TENM3: variants seen among roughly 807,000 people sequenced by gnomAD.
TENM3 encodes the protein teneurin transmembrane protein 3.
Under a neutral mutation model 255.1 loss-of-function variants are expected in TENM3, and 63 were observed. The observed-to-expected ratio is 0.25, with a 90% CI of 0.20 to 0.30. TENM3 has a LOEUF of 0.30. TENM3 is among the 10% of genes least tolerant of loss of function. The pLI is 1.00. For synonymous variants in TENM3, 1,306 were observed against 1,322.3 expected (o/e 0.99, Z 0.27); for missense variants, 2,929 against 3,461.1 (o/e 0.85, Z 3.86).
chr4:182,775,823 G>C (rs1764644454), intron 24 of TENM3, among the ~76,000 whole-genome samples: 1 of 152,086 alleles, frequency 6.6e-6, no homozygotes, highest in African/African-American at 2.4e-5. Context: ...TCTACTTTTT[G>C]CTAATAGTAA....
At chr4:181,964,908 A>G in the TENM3 span, among the ~76,000 whole-genome samples, 6 of 152,176 alleles carry the variant, frequency 3.9e-5, no homozygotes, top group East Asian at 1.9e-4. Flanking sequence ...CCCTTTGACG[A>G]AAAAGTTCAA....
intron 8 of TENM3, 25 bp from the exon 9 acceptor site, chr4:182,680,223 T>C (rs1033734083): frequency 2.0e-6 from 3 of 1,513,284 alleles, no homozygotes; most frequent in Non-Finnish European, 2.8e-6. Context: ...ATACAACAAG[T>C]GTTCCTTCTT....
chr4:181,556,264 A>T, the TENM3 span, among the ~76,000 whole-genome samples: 2 of 151,638 alleles, frequency 1.3e-5, no homozygotes, highest in Non-Finnish European at 2.9e-5. Flanking sequence ...ACCTGACAGA[A>T]TTTTTTTTTA....
chr4:182,401,777 G>A (rs919513339), intron 3 of TENM3, among the ~76,000 whole-genome samples: 1 of 152,010 alleles, frequency 6.6e-6, no homozygotes, highest in Non-Finnish European at 1.5e-5. Context: ...CTGATATTTT[G>A]AGGTAAAAAT....
chr4:181,768,838 G>A, the TENM3 span, among the ~76,000 whole-genome samples: 7 of 152,184 alleles, frequency 4.6e-5, no homozygotes, highest in East Asian at 1.3e-3. Flanking sequence ...AGAACCACAT[G>A]AAAACATAAA....
rs1263291284 is a variant in TENM3, at chr4:182,653,907, T to C, written c.1111+14T>C. The C allele has an allele frequency of 1.2e-5, 20 of 1,601,370 alleles. No homozygotes were observed. Among genetic ancestry groups the C allele is most frequent in the Non-Finnish European group, 1.7e-5 (20 of 1,174,412 alleles). On this transcript the variant is annotated intron_variant, in intron 6 of 27. Transcript: ENST00000511685. ...CTGGAGACAATGGTAAGCGAAAGAA[T>C]TATGTATCCTGTGTTTCTCTTTTAA...
the TENM3 span, among the ~76,000 whole-genome samples, chr4:182,066,860 G>A: frequency 2.0e-5 from 3 of 152,114 alleles, no homozygotes; most frequent in Admixed American, 6.5e-5. Flanking sequence ...GCAGTGAGCC[G>A]AGATCGCACC....
At chr4:182,207,895 C>A (rs1754694199) in intron 1 of TENM3, among the ~76,000 whole-genome samples, 1 of 152,164 alleles carries the variant, frequency 6.6e-6, no homozygotes, top group South Asian at 2.1e-4. Flanking sequence ...GCTTAAAATA[C>A]CTTTCCAGCA....
intron 3 of TENM3, among the ~76,000 whole-genome samples, chr4:182,372,636 C>T (rs1766908040): frequency 6.6e-6 from 1 of 152,048 alleles, no homozygotes; most frequent in Non-Finnish European, 1.5e-5. Flanking sequence ...ATAGTGGTCA[C>T]CTGTCCCATG....
the TENM3 span, among the ~76,000 whole-genome samples, chr4:181,725,414 T>C: frequency 1.3e-5 from 1 of 79,002 alleles, no homozygotes; most frequent in East Asian, 4.3e-4. Flanking sequence ...CACATTCTTT[T>C]TCTTTCTTTT....
chr4:181,708,124 A>G, the TENM3 span, among the ~76,000 whole-genome samples: 3 of 152,236 alleles, frequency 2.0e-5, no homozygotes, highest in Non-Finnish European at 4.4e-5. Flanking sequence ...CAATAATCTT[A>G]AAAAGTTTTA....
chr4:182,693,004 C>A (rs1757123556), intron 12 of TENM3, among the ~76,000 whole-genome samples: 1 of 152,162 alleles, frequency 6.6e-6, no homozygotes, highest in Non-Finnish European at 1.5e-5. Flanking sequence ...TAGATTTAAA[C>A]ATGGGGTTCT....
the TENM3 span, among the ~76,000 whole-genome samples, chr4:182,042,997 T>G: frequency 6.6e-6 from 1 of 152,086 alleles, no homozygotes; most frequent in African/African-American, 2.4e-5. Context: ...GTCGTCTTTT[T>G]TTTTTTAAGA....
At chr4:182,072,448 A>G in the TENM3 span, among the ~76,000 whole-genome samples, 6 of 152,166 alleles carry the variant, frequency 3.9e-5, no homozygotes, top group Admixed American at 3.9e-4. Flanking sequence ...TCCAAAGGGT[A>G]GGCAGTGAAC....
chr4:181,882,119 C>T, the TENM3 span, among the ~76,000 whole-genome samples: 1 of 152,144 alleles, frequency 6.6e-6, no homozygotes, highest in Admixed American at 6.5e-5. Context: ...TCTGAGTCCC[C>T]CCCGTTCGCC....
At chr4:182,009,500 CTG>C in the TENM3 span, among the ~76,000 whole-genome samples, 1 of 152,302 alleles carries the variant, frequency 6.6e-6, no homozygotes, top group East Asian at 1.9e-4. Context: ...AAGATGCACT[CTG>C]GCCACAGACT....
chr4:182,507,598 A>G (rs960329362), intron 3 of TENM3, among the ~76,000 whole-genome samples: 3 of 152,216 alleles, frequency 2.0e-5, no homozygotes, highest in African/African-American at 4.8e-5. Flanking sequence ...CATTGAAGAG[A>G]GAACACTAAA....
the TENM3 span, among the ~76,000 whole-genome samples, chr4:181,833,870 C>A: frequency 6.6e-6 from 1 of 152,194 alleles, no homozygotes; most frequent in South Asian, 2.1e-4. Flanking sequence ...GCTATCATTT[C>A]TGTCTACCTG....
chr4:181,718,147 T>A, the TENM3 span, among the ~76,000 whole-genome samples: 1 of 152,204 alleles, frequency 6.6e-6, no homozygotes, highest in Non-Finnish European at 1.5e-5. Flanking sequence ...AATGTATGTT[T>A]GAAAGAAATT....
Sources: gnomAD v4.1 joint callset for allele counts (sites outside exome capture counted in the v4.1 genomes callset) on GRCh38, gnomAD v4.1.1 for gene constraint, MANE v1.5 for transcripts, NCBI Gene and HGNC (gene_info 2026-07-23, HGNC 2026-07-21) for gene names.